The following PLAU variants were observed in gnomAD, a reference collection of about 807,000 sequenced individuals.
PLAU encodes plasminogen activator, urokinase, also known as urokinase-type plasminogen activator.
PLAU carries 32 observed loss-of-function variants against 48.9 expected under a neutral mutation model. The ratio of observed to expected loss-of-function variants is 0.65; its 90% CI spans 0.49 to 0.88. The LOEUF (loss-of-function observed/expected upper bound fraction) is 0.88. Ranked by LOEUF, PLAU falls within the 40% of genes least tolerant of loss-of-function variation. The pLI is 0.00. For missense variants in PLAU, 455 were observed against 545.2 expected (o/e 0.83, Z 1.65); for synonymous variants, 199 against 205.7 (o/e 0.97, Z 0.28).
chr10:73,911,380 A>T, intron 1 of PLAU, 145 bp from the exon 2 acceptor site: 1 of 894,398 alleles, frequency 1.1e-6, no homozygotes. Flanking sequence ...GTGCCGATCC[A>T]GGCTGCCCGG....
intron 2 of PLAU, 54 bp downstream of exon 2, chr10:73,911,666 A>G (rs767969176): frequency 5.3e-5 from 85 of 1,603,484 alleles, no homozygotes; most frequent in Non-Finnish European, 7.1e-5. Flanking sequence ...GATCAGCACC[A>G]GGGGAGAGGA....
chr10:73,913,815 T>G, intron 7 of PLAU, 57 bp downstream of exon 7: 2 of 1,450,328 alleles, frequency 1.4e-6, no homozygotes, highest in Non-Finnish European at 9.5e-7. Context: ...GCACATCCCT[T>G]TCTCCTTCCC....
In PLAU at chr10:73,914,635, C is replaced by T. The variant is rs2096132402; in HGVS notation, c.830-141C>T. 4 of 756,532 alleles carry T rather than the reference C, an allele frequency of 5.3e-6. No individual in the cohort carries two copies. In the Admixed American group the frequency reaches 8.7e-5, roughly 16 times the overall value. 46.9% of individuals were successfully genotyped at this position (756,532 alleles called of 1,614,324 possible). A position where few individuals can be genotyped will look rare whatever the true frequency, so the allele number is the denominator to read the frequency against. On this transcript the variant is annotated intron_variant, in intron 8 of 10. Transcript: ENST00000372764. ...TGGGGCATGGGGCAGGGGAGGTTTCCAGGTGATAAGCGACCAGCAGACCTC... is the reference window on the plus strand; with the variant it reads ...TGGGGCATGGGGCAGGGGAGGTTTCTAGGTGATAAGCGACCAGCAGACCTC...
upstream of PLAU, chr10:73,909,061 G>A (rs1357710874): frequency 6.6e-6 from 1 of 152,092 alleles, no homozygotes. Flanking sequence ...AAGAGTTGAA[G>A]TGCTAGGTGA....
At chr10:73,913,200 T>A in intron 5 of PLAU, 90 bp from the exon 6 acceptor site, 1 of 1,572,310 alleles carries the variant, frequency 6.4e-7, no homozygotes, top group Non-Finnish European at 8.7e-7. Context: ...ACAAGAGAAG[T>A]GCGGCCTCTG....
intron 10 of PLAU, 84 bp from the exon 11 acceptor site, chr10:73,916,303 CCT>C (rs2096136693): frequency 4.1e-6 from 5 of 1,210,022 alleles, no homozygotes; most frequent in Non-Finnish European, 6.0e-6. Context: ...GAAACTCTTC[CCT>C]CTCTCTGGTA....
intron 10 of PLAU, 103 bp downstream of exon 10, chr10:73,915,502 A>C (rs953623728): frequency 7.0e-6 from 8 of 1,135,784 alleles, no homozygotes; most frequent in East Asian, 2.4e-5. Flanking sequence ...CAAAGCCCTA[A>C]GTAGCCAGAA....
At position 73,912,290 on chromosome 10, in the gene PLAU, C is replaced by G; in HGVS notation, c.161C>G (p.Pro54Arg). The G allele has an allele frequency of 7.0e-7, 1 of 1,429,054 alleles. No individual in the cohort carries two copies. The highest frequency in any genetic ancestry group is 9.4e-7 in the Non-Finnish European group (1 of 1,063,356). The allele number at this position is 1,429,054 out of a possible 1,614,324, so 88.5% of individuals were successfully genotyped here. ...TCCAACATTCACTGGTGCAACTGCCCAAAGAAATTCGGAGGGCAGCACTGT... is the reference window on the plus strand; with the variant it reads ...TCCAACATTCACTGGTGCAACTGCCGAAAGAAATTCGGAGGGCAGCACTGT... ...YFSNIHWCNC[P>R]KKFGGQHCEI... The change falls in exon 4 of 11, where the codon CCA becomes CGA. Residue 54 changes from proline (P) to arginine (R), a missense_variant. Coordinates refer to ENST00000372764, the MANE Select transcript of PLAU (RefSeq NM_002658.6).
At position 73,912,338 on chromosome 10, in the gene PLAU, C is replaced by A. The variant is rs1472701617; in HGVS notation, c.193+16C>A. 7.0e-7 allele frequency: 1 copy of A among 1,435,866 alleles called. No individual in the cohort carries two copies. Among genetic ancestry groups the A allele is most frequent in the South Asian group, 1.1e-5 (1 of 88,214 alleles). The allele number at this position is 1,435,866 out of a possible 1,614,324, so 88.9% of individuals were successfully genotyped here. A position where few individuals can be genotyped will look rare whatever the true frequency, so the allele number is the denominator to read the frequency against. On this transcript the variant is annotated intron_variant, in intron 4 of 10. Transcript: ENST00000372764. ...TGTGAAATAGGTATGGGGATCTCCA[C>A]TGCAACTGGGAGAGAAATTTGGGGA...
upstream of PLAU, among the ~76,000 whole-genome samples, chr10:73,908,945 T>C (rs1315372047): frequency 6.6e-6 from 1 of 151,432 alleles, no homozygotes; most frequent in Non-Finnish European, 1.5e-5. Context: ...GAGGACCCCT[T>C]GAACCCAGAA....
intron 10 of PLAU, 89 bp downstream of exon 10, chr10:73,915,488 T>G: frequency 7.8e-7 from 1 of 1,283,586 alleles, no homozygotes; most frequent in Non-Finnish European, 1.1e-6. Context: ...TGTCTCTCTC[T>G]AGCCAAAGCC....
At position 73,913,567 on chromosome 10, in the gene PLAU, A is replaced by T. The variant is rs1337732786; in HGVS notation, c.489A>T (p.Glu163Asp). The T allele has an allele frequency of 7.4e-6, 12 of 1,613,620 alleles. No homozygotes were observed. The highest frequency in any genetic ancestry group is 1.0e-5 in the Non-Finnish European group (12 of 1,179,802). ...AAAAGCCCTCCTCTCCTCCAGAAGA[A>T]TTAAAATTTCAGTGTGGCCAAAAGA... ...DGKKPSSPPE[E>D]LKFQCGQKTL... is the part of the protein sequence containing the mutation. Residue 163 changes from glutamate to aspartate, a missense_variant, in exon 7 of 11, where the codon GAA (glutamate) becomes GAT (aspartate). Physicochemically the swap from Glu to Asp is conservative, Grantham distance 45. Coordinates refer to ENST00000372764, the MANE Select transcript of PLAU (RefSeq NM_002658.6).
intron 4 of PLAU, among the ~76,000 whole-genome samples, chr10:73,912,638 G>T (rs1373568690): frequency 3.3e-5 from 5 of 152,098 alleles, no homozygotes; most frequent in Non-Finnish European, 7.3e-5. Context: ...ATCATTTGAG[G>T]TCAGGAGTTC....
At chr10:73,910,194 A>G (rs1252228518), upstream of PLAU, 2 of 152,242 alleles carry the variant, frequency 1.3e-5, no homozygotes, top group Non-Finnish European at 2.9e-5. Context: ...CAGTCTCCCA[A>G]TTCCTCTACT....
At chr10:73,912,823 C>A in intron 4 of PLAU, 101 bp from the exon 5 acceptor site, 1 of 897,842 alleles carries the variant, frequency 1.1e-6, no homozygotes, top group Non-Finnish European at 1.7e-6. Context: ...TGCACTCCAA[C>A]TGGGCGACAG....
At chr10:73,913,808 C>T (rs1348796857) in intron 7 of PLAU, 50 bp downstream of exon 7, 1 of 1,463,194 alleles carries the variant, frequency 6.8e-7, no homozygotes, top group Non-Finnish European at 9.4e-7. Flanking sequence ...ACCCCAAGCA[C>T]ATCCCTTTCT....
chr10:73,912,911 T>C lies in PLAU; in HGVS notation c.194-13T>C, dbSNP rs2096127565. 6.3e-7 allele frequency: 1 copy of C among 1,585,500 alleles called. No individual in the cohort carries two copies. Among genetic ancestry groups the C allele is most frequent in the African/African-American group, 1.4e-5 (1 of 73,564 alleles). Reference sequence around the variant, plus strand: ...TCTTTCTCATATTCTCTCATCCTCCTGTCCCCTTGTAGATAAGTCAAAAAC... The same window carrying C: ...TCTTTCTCATATTCTCTCATCCTCCCGTCCCCTTGTAGATAAGTCAAAAAC... On this transcript the variant is annotated splice_polypyrimidine_tract_variant and intron_variant, in intron 4 of 10. Coordinates refer to ENST00000372764, the MANE Select transcript of PLAU (RefSeq NM_002658.6).
chr10:73,913,494 T>C (rs774829526), intron 6 of PLAU, 45 bp from the exon 7 acceptor site: 3 of 1,567,624 alleles, frequency 1.9e-6, no homozygotes, highest in Non-Finnish European at 1.8e-6. Flanking sequence ...GAGGGATGCT[T>C]TCTCCTACCT....
chr10:73,913,253 G>A (rs2096128646), intron 5 of PLAU, 37 bp from the exon 6 acceptor site: 1 of 1,607,386 alleles, frequency 6.2e-7, no homozygotes, highest in South Asian at 1.1e-5. Flanking sequence ...AGGCCCTCTG[G>A]GTTGGAATGA....
Sources: gnomAD v4.1 joint callset for allele counts (sites outside exome capture counted in the v4.1 genomes callset) on GRCh38, gnomAD v4.1.1 for gene constraint, MANE v1.5 for transcripts, NCBI Gene and HGNC (gene_info 2026-07-23, HGNC 2026-07-21) for gene names.